The following RSPH3 variants were observed in gnomAD, a reference collection of about 807,000 sequenced individuals.
RSPH3 encodes the protein radial spoke head 3.
RSPH3 carries 21 observed loss-of-function variants against 43.8 expected under a neutral mutation model. That is an observed-to-expected ratio of 0.48 (90% CI 0.34 to 0.69). The LOEUF (loss-of-function observed/expected upper bound fraction) is 0.69. Among genes scored for constraint, RSPH3 ranks in the 30% least tolerant of loss-of-function variants. The pLI, the probability that RSPH3 is intolerant of heterozygous loss-of-function variation, is 0.01. For synonymous variants in RSPH3, 173 were observed against 179.8 expected (o/e 0.96, Z 0.30); for missense variants, 487 against 516.0 (o/e 0.94, Z 0.54).
the RSPH3 span, among the ~76,000 whole-genome samples, chr6:158,967,425 A>AT: frequency 6.6e-6 from 1 of 152,006 alleles, no homozygotes; most frequent in South Asian, 2.1e-4. Context: ...TCTTTTTATT[A>AT]TTGACTTCTA....
intron 1 of RSPH3, among the ~76,000 whole-genome samples, chr6:158,998,103 A>T (rs562579992): frequency 7.2e-5 from 11 of 152,120 alleles, no homozygotes; most frequent in African/African-American, 2.7e-4. Context: ...TCAACATTTG[A>T]GGCTTATGGA....
chr6:158,968,761 G>C (rs932159441), downstream of RSPH3, among the ~76,000 whole-genome samples: 3 of 151,926 alleles, frequency 2.0e-5, no homozygotes, highest in Admixed American at 6.6e-5. Flanking sequence ...CACTAGGCTG[G>C]AGTGCAGTGG....
the RSPH3 span, among the ~76,000 whole-genome samples, chr6:158,964,848 C>T: frequency 2.0e-5 from 3 of 152,088 alleles, no homozygotes; most frequent in Non-Finnish European, 4.4e-5. Context: ...TCTTCTTTCA[C>T]CATTTGTGCT....
downstream of RSPH3, among the ~76,000 whole-genome samples, chr6:158,970,960 A>G (rs1777688666): frequency 6.6e-6 from 1 of 152,160 alleles, no homozygotes; most frequent in African/African-American, 2.4e-5. Flanking sequence ...ATGTTAAACA[A>G]TTGCTGCTGC....
rs538178874 is a variant in RSPH3, at chr6:158,974,844, A to C, written c.*2694T>G. ...GATAATCAACTTCAAATCAATTTTA[A>C]GGTTTTTTTTTTTTGAGAAGGAGTC... On this transcript the variant is annotated 3_prime_UTR_variant, in exon 8 of 8. Coordinates refer to ENST00000367069, the MANE Select transcript of RSPH3 (RefSeq NM_031924.8). The C allele has an allele frequency of 6.7e-6, 1 of 149,418 alleles. No homozygotes were observed. The highest frequency in any genetic ancestry group is 1.5e-5 in the Non-Finnish European group (1 of 67,202). The allele number at this position is 149,418 out of a possible 1,614,324, so 9.3% of individuals were successfully genotyped here. A position where few individuals can be genotyped will look rare whatever the true frequency, so the allele number is the denominator to read the frequency against.
At chr6:158,991,306 A>G (rs944246719) in intron 2 of RSPH3, among the ~76,000 whole-genome samples, 2 of 152,152 alleles carry the variant, frequency 1.3e-5, no homozygotes, top group African/African-American at 4.8e-5. Context: ...TTTGGGTATT[A>G]TATTTTAAGA....
the RSPH3 span, among the ~76,000 whole-genome samples, chr6:158,966,554 T>C: frequency 6.6e-6 from 1 of 152,146 alleles, no homozygotes; most frequent in Non-Finnish European, 1.5e-5. Context: ...TTTGGTAAAT[T>C]GTATCTTTCT....
intron 4 of RSPH3, 74 bp from the exon 5 acceptor site, chr6:158,982,762 G>A: frequency 3.5e-6 from 3 of 857,974 alleles, no homozygotes; most frequent in African/African-American, 1.7e-5. Flanking sequence ...ATAATGAATA[G>A]CAATAACAAG....
Position 158,999,800 on chromosome 6 carries a change from G to T in RSPH3, c.-250C>A. On this transcript the variant is annotated 5_prime_UTR_variant, in exon 1 of 8. Coordinates refer to ENST00000367069, the MANE Select transcript of RSPH3 (RefSeq NM_031924.8). ...CCGCATCGGTTGCCCAGCAACCCAG[G>T]GTTCTGTCTGGGGGCGGGAACTCCG... 6.2e-7 allele frequency: 1 copy of T among 1,613,444 alleles called. No individual in the cohort carries two copies. The highest frequency in any genetic ancestry group is 8.5e-7 in the Non-Finnish European group (1 of 1,179,646).
At chr6:158,982,278 T>C (rs1361764742) in intron 5 of RSPH3, among the ~76,000 whole-genome samples, 1 of 152,192 alleles carries the variant, frequency 6.6e-6, no homozygotes, top group Non-Finnish European at 1.5e-5. Flanking sequence ...TTAGGTATAT[T>C]TATGTAAGCT....
intron 6 of RSPH3, among the ~76,000 whole-genome samples, chr6:158,979,825 G>A (rs543567705): frequency 2.0e-4 from 31 of 152,264 alleles, no homozygotes; most frequent in South Asian, 4.1e-4. Flanking sequence ...GGGTGGTGGT[G>A]AGGACATGCA....
In RSPH3 at chr6:158,987,366, G is replaced by A. The variant is rs150619899; in HGVS notation, c.205-945C>T. Among the ~76,000 whole-genome samples the A allele has an allele frequency of 1.4e-3, 217 of 152,272 alleles. 1 individual carries two copies. Among genetic ancestry groups the A allele is most frequent in the East Asian group, 0.011 (59 of 5,184 alleles). The stretch of plus-strand genomic sequence containing the variant: ...GTCTATGTGTGTCTCTGTAGGTGAA[G>A]TGGGTTTCTTGAAGGAGCATATAGT... On this transcript the variant is annotated intron_variant, in intron 2 of 7. Coordinates refer to ENST00000367069, the MANE Select transcript of RSPH3 (RefSeq NM_031924.8).
the RSPH3 span, among the ~76,000 whole-genome samples, chr6:158,965,741 T>A: frequency 6.6e-6 from 1 of 152,156 alleles, no homozygotes; most frequent in East Asian, 1.9e-4. Flanking sequence ...CCAATCCGGA[T>A]GACTTTTCTT....
chr6:158,999,490 G>T lies in RSPH3; in HGVS notation c.61C>A (p.Arg21=), dbSNP rs780787342. ...CGCTGGCAGGGCAGTGCTCGGGGCC[G>T]GCTGGTGTAGGTGTAGGTGCTCGGG... ...RAPSTYTYTS[R]PRALPCQRSR... Residue 21 remains arginine (R), a synonymous_variant, in exon 1 of 8, where the codon CGG becomes AGG. Coordinates refer to ENST00000367069, the MANE Select transcript of RSPH3 (RefSeq NM_031924.8). 6.5e-7 allele frequency: 1 copy of T among 1,534,280 alleles called. No individual in the cohort carries two copies. The highest frequency in any genetic ancestry group is 2.3e-5 in the East Asian group (1 of 43,768).
At chr6:158,967,979 C>G (rs1777648564), downstream of RSPH3, among the ~76,000 whole-genome samples, 1 of 152,046 alleles carries the variant, frequency 6.6e-6, no homozygotes, top group South Asian at 2.1e-4. Flanking sequence ...TAAAGTGTGT[C>G]TCTAATAGTA....
At chr6:158,971,550 A>AT (rs1478809296), downstream of RSPH3, among the ~76,000 whole-genome samples, 1 of 151,998 alleles carries the variant, frequency 6.6e-6, no homozygotes, top group African/African-American at 2.4e-5. Flanking sequence ...TGAGTTGCCT[A>AT]TTTTTTCCTG....
Position 158,999,702 on chromosome 6 carries a change from G to A in RSPH3, c.-152C>T, listed in dbSNP as rs765667797. 10 of 1,613,912 alleles carry A rather than the reference G, an allele frequency of 6.2e-6. No individual in the cohort carries two copies. The Admixed American group carries it at 8.3e-5, about 13-fold the overall frequency. ...CGACAACAAGGGAGGCGGGCGGGAC[G>A]GGAGGTTACCAGCGCAGGAGGTGGG... On this transcript the variant is annotated 5_prime_UTR_variant, in exon 1 of 8. Coordinates refer to ENST00000367069, the MANE Select transcript of RSPH3 (RefSeq NM_031924.8).
chr6:158,984,434 T>TTTTTTATATATATATATATATA (rs1300418942), intron 3 of RSPH3, among the ~76,000 whole-genome samples: 1 of 63,708 alleles, frequency 1.6e-5, no homozygotes, highest in South Asian at 5.9e-4. Context: ...AAAAAGTCAA[T>TTTTTTATATATATATATATATA]TATATATATA....
Position 158,987,310 on chromosome 6 carries a change from T to C in RSPH3, c.205-889A>G, listed in dbSNP as rs577898405. 2.6e-5 allele frequency among the ~76,000 whole-genome samples: 4 copies of C among 152,354 alleles called. No individual in the cohort carries two copies. In the East Asian group the frequency reaches 7.7e-4, roughly 29 times the overall value. ...TGCTCTTTTTTGGTTTCTAGTTGCA[T>C]GGAAAATCTTTTTCCATCCCTTTAC... On this transcript the variant is annotated intron_variant, in intron 2 of 7. Coordinates refer to ENST00000367069, the MANE Select transcript of RSPH3 (RefSeq NM_031924.8).
Sources: allele counts gnomAD v4.1 joint callset (sites outside exome capture counted in the v4.1 genomes callset), GRCh38; gene constraint gnomAD v4.1.1; transcripts MANE v1.5; gene names NCBI Gene and HGNC (gene_info 2026-07-23, HGNC 2026-07-21).